GATA5: variants seen among roughly 807,000 people sequenced by gnomAD.
GATA5 encodes the protein transcription factor GATA-5.
GATA5 carries 27 observed loss-of-function variants against 35.0 expected under a neutral mutation model. That is an observed-to-expected ratio of 0.77 (90% CI 0.57 to 1.06). GATA5 has a LOEUF of 1.06. Among genes scored for constraint, GATA5 ranks in the 50% least tolerant of loss-of-function variants. The probability of loss-of-function intolerance (pLI) is 0.00; values close to 1 mark genes in which losing one functional copy is unlikely to be tolerated. For missense variants in GATA5, 612 were observed against 580.0 expected, an observed-to-expected ratio of 1.06 and a Z score of -0.57; for synonymous variants, 306 against 267.8, an observed-to-expected ratio of 1.14 and a Z score of -1.39.
chr20:62,473,381 C>T (rs1989767723), intron 3 of GATA5, 22 bp downstream of exon 3: 2 of 1,591,238 alleles, frequency 1.3e-6, no homozygotes, highest in Non-Finnish European at 1.7e-6. Flanking sequence ...CCCAGGCGCC[C>T]CTCTGCCCAG....
Position 62,466,513 on chromosome 20 carries a change from G to C in GATA5, c.738C>G (p.Cys246Trp), listed in dbSNP as rs1555896110. The change falls in exon 4 of 7, where the codon TGC becomes TGG. Residue 246 changes from cysteine to tryptophan, a missense_variant. Physicochemically the swap from Cys to Trp is radical, Grantham distance 215. Transcript: ENST00000252997. ...SRRAGLCCTN[C>W]HTTNTTLWRR... Reference sequence around the variant, plus strand: ...GCCACAGCGTGGTGTTGGTCGTGTGGCAGTTGGTGCAGCAGAGGCCGGCGC... The same window carrying C: ...GCCACAGCGTGGTGTTGGTCGTGTGCCAGTTGGTGCAGCAGAGGCCGGCGC... 1.3e-6 allele frequency: 2 copies of C among 1,563,240 alleles called. No individual in the cohort carries two copies. The highest frequency in any genetic ancestry group is 8.7e-7 in the Non-Finnish European group (1 of 1,153,906).
Position 62,475,133 on chromosome 20 carries a change from A to G in GATA5, c.389T>C (p.Leu130Pro), listed in dbSNP as rs1555897001. 2.2e-6 allele frequency: 3 copies of G among 1,367,330 alleles called. No individual in the cohort carries two copies. Among genetic ancestry groups the G allele is most frequent in the Non-Finnish European group, 2.8e-6 (3 of 1,057,530 alleles). The allele number at this position is 1,367,330 out of a possible 1,614,324, so 84.7% of individuals were successfully genotyped here. The change falls in exon 2 of 7, where the codon CTT becomes CCT. Residue 130 changes from leucine (L) to proline (P), a missense_variant. Physicochemically the swap from Leu to Pro is moderately conservative, Grantham distance 98. Transcript: ENST00000252997. The part of the protein sequence containing the change: ...LLPREQFAAP[L>P]GRPVGTSYSA... ...GTACGAGGTCCCCACCGGCCGCCCAAGCGGGGCCGCGAACTGTTCTCGAGG... is the reference window on the plus strand; with the variant it reads ...GTACGAGGTCCCCACCGGCCGCCCAGGCGGGGCCGCGAACTGTTCTCGAGG...
intron 1 of GATA5, 23 bp from the exon 2 acceptor site, chr20:62,475,565 T>C: frequency 1.6e-6 from 2 of 1,240,116 alleles, no homozygotes; most frequent in Non-Finnish European, 2.0e-6. Flanking sequence ...GGGACAGGTG[T>C]GGAGGTCACG....
chr20:62,473,691 T>C, intron 2 of GATA5, 113 bp from the exon 3 acceptor site: 1 of 922,618 alleles, frequency 1.1e-6, no homozygotes. Context: ...GTCAGACGAA[T>C]AAACTTAAGG....
chr20:62,465,496 G>A (rs782136651), intron 5 of GATA5, 32 bp from the exon 6 acceptor site: 2 of 1,590,692 alleles, frequency 1.3e-6, no homozygotes, highest in Non-Finnish European at 1.7e-6. Flanking sequence ...TTACAGAGGG[G>A]TCAGGTGTGG....
chr20:62,475,471 G>T lies in GATA5; in HGVS notation c.51C>A (p.Ala17=), dbSNP rs1555897086. The part of the protein sequence containing the change: ...LAASPRQAAY[A]DSGSFLHAPG... Reference sequence around the variant, plus strand: ...GAGCGTGCAGGAAGGAGCCCGAGTCGGCGTAGGCGGCCTGGCGGGGGCTCG... The same window carrying T: ...GAGCGTGCAGGAAGGAGCCCGAGTCTGCGTAGGCGGCCTGGCGGGGGCTCG... The change falls in exon 2 of 7, where the codon GCC becomes GCA. Residue 17 remains alanine, a synonymous_variant. Coordinates refer to ENST00000252997, the MANE Select transcript of GATA5 (RefSeq NM_080473.5). 1.5e-6 allele frequency: 2 copies of T among 1,331,816 alleles called. No homozygotes were observed. Among genetic ancestry groups the T allele is most frequent in the Non-Finnish European group, 9.6e-7 (1 of 1,045,342 alleles). 82.5% of individuals were successfully genotyped at this position (1,331,816 alleles called of 1,614,324 possible).
At chr20:62,473,370 G>A (rs369626023) in intron 3 of GATA5, 33 bp downstream of exon 3, 61 of 1,580,188 alleles carry the variant, frequency 3.9e-5, no homozygotes, top group African/African-American at 2.8e-4. Context: ...GGAGCACTGC[G>A]CCCAGGCGCC....
chr20:62,466,002 C>T (rs1989578074), intron 4 of GATA5, 81 bp from the exon 5 acceptor site: 3 of 1,000,476 alleles, frequency 3.0e-6, no homozygotes, highest in South Asian at 2.7e-5. Flanking sequence ...TCATTCCAGC[C>T]CCCCAGAGCC....
rs7267800 is a variant in GATA5 at position 62,474,941 on chromosome 20, G to A, written c.523+58C>T. On this transcript the variant is annotated intron_variant, in intron 2 of 6. Transcript: ENST00000252997. Reference sequence around the variant, plus strand: ...GAGGGGAGCGTTTCGCAGGGTGCGGGTTTGCACCCGGATTCGGCCGCTCCT... The same window carrying A: ...GAGGGGAGCGTTTCGCAGGGTGCGGATTTGCACCCGGATTCGGCCGCTCCT... 2.1e-3 allele frequency: 2,587 copies of A among 1,251,908 alleles called. 40 individuals carry two copies. The African/African-American group carries it at 0.035, about 17-fold the overall frequency. 77.5% of individuals were successfully genotyped at this position (1,251,908 alleles called of 1,614,324 possible).
rs1263814209 is a variant in GATA5, at chr20:62,470,991, CACA to C, written c.699+2409_699+2411del. Among the ~76,000 whole-genome samples the C allele has an allele frequency of 1.3e-5, 2 of 152,234 alleles. No homozygotes were observed. The highest frequency in any genetic ancestry group is 2.9e-5 in the Non-Finnish European group (2 of 68,046). ...CGTCCTCAGAGCCAAGGCCCAAGCA[CACA>C]ACACCAGCTAATTTAACTTTTACAG... On this transcript the variant is annotated intron_variant, in intron 3 of 6. Transcript: ENST00000252997. This position sits in a 1 kb window ranked among gnomAD's most constrained non-coding sequence, Gnocchi z 4.6.
chr20:62,465,117 C>A, intron 6 of GATA5, 126 bp from the exon 7 acceptor site: 2 of 926,632 alleles, frequency 2.2e-6, no homozygotes, highest in South Asian at 3.4e-5. Context: ...CCCCTGATGC[C>A]CTGGAATGGC....
rs1217985750 is a variant in GATA5, at chr20:62,464,582, G to A, written c.*254C>T. Reference sequence around the variant, plus strand: ...GGGGCCAGTGTGGTCCGGAGCCTTGGGCCGCACCTGGGGAGTCCCTTGCTG... The same window carrying A: ...GGGGCCAGTGTGGTCCGGAGCCTTGAGCCGCACCTGGGGAGTCCCTTGCTG... On this transcript the variant is annotated 3_prime_UTR_variant, in exon 7 of 7. Coordinates refer to ENST00000252997, the MANE Select transcript of GATA5 (RefSeq NM_080473.5). 1.3e-5 allele frequency: 5 copies of A among 381,652 alleles called. No homozygotes were observed. Among genetic ancestry groups the A allele is most frequent in the African/African-American group, 8.4e-5 (4 of 47,542 alleles). 23.6% of individuals were successfully genotyped at this position (381,652 alleles called of 1,614,324 possible).
rs1989526043 is a variant in GATA5, at chr20:62,464,528, G to C, written c.*308C>G. The C allele has an allele frequency of 3.7e-6, 1 of 268,382 alleles. No individual in the cohort carries two copies. The highest frequency in any genetic ancestry group is 7.0e-6 in the Non-Finnish European group (1 of 143,000). The allele number at this position is 268,382 out of a possible 1,614,324, so 16.6% of individuals were successfully genotyped here. On this transcript the variant is annotated 3_prime_UTR_variant, in exon 7 of 7. Transcript: ENST00000252997. ...GATGACGGAATTCAAGTTGGTGGTG[G>C]TGGTGCCCTGCGTTGGCCTCCGCCG...
At chr20:62,475,638 G>T in intron 1 of GATA5, 96 bp from the exon 2 acceptor site, 1 of 809,528 alleles carries the variant, frequency 1.2e-6, no homozygotes, top group Non-Finnish European at 1.7e-6. Context: ...GCTTCGGGCA[G>T]CGCTTCCCAG....
Position 62,473,423 on chromosome 20 carries a change from C to T in GATA5, c.679G>A (p.Val227Ile), listed in dbSNP as rs199934543. 91 of 1,608,600 alleles carry T rather than the reference C, an allele frequency of 5.7e-5. No individual in the cohort carries two copies. The East Asian group carries it at 5.8e-4, about 10-fold the overall frequency. The change falls in exon 3 of 7, where the codon GTT becomes ATT. Residue 227 changes from valine to isoleucine, a missense_variant. Coordinates refer to ENST00000252997, the MANE Select transcript of GATA5 (RefSeq NM_080473.5). The part of the protein sequence containing the change: ...HKMNGVNRPL[V>I]RPQKRLSSSR... ...CTCACCAGGCGCTTCTGAGGCCGAA[C>T]GAGCGGCCGGTTGACGCCATTCATC...
Position 62,464,663 on chromosome 20 carries a change from G to T in GATA5, c.*173C>A. 3.8e-6 allele frequency: 2 copies of T among 529,670 alleles called. No individual in the cohort carries two copies. Among genetic ancestry groups the T allele is most frequent in the East Asian group, 3.4e-5 (1 of 29,708 alleles). 32.8% of individuals were successfully genotyped at this position (529,670 alleles called of 1,614,324 possible). On this transcript the variant is annotated 3_prime_UTR_variant, in exon 7 of 7. Transcript: ENST00000252997. Reference sequence around the variant, plus strand: ...CACCAGCCTTCTTGCTCTGGGGCCCGACTGCCGTCTGTCCAGAAGGCCTCC... The same window carrying T: ...CACCAGCCTTCTTGCTCTGGGGCCCTACTGCCGTCTGTCCAGAAGGCCTCC...
chr20:62,474,862 C>T (rs1167859191), intron 2 of GATA5, 137 bp downstream of exon 2: 2 of 675,648 alleles, frequency 3.0e-6, no homozygotes, highest in South Asian at 6.5e-5. Context: ...CTCGTCTCGC[C>T]CCGGGGCTGC....
In GATA5 at chr20:62,465,454, C is replaced by G; in HGVS notation, c.924G>C (p.Arg308Ser). ...CAGCAGATGGGGAGGCCGAGGCATT[C>G]CTTGTGGATCCTGGAAGCGAAGAGG... ...AKARGSSGSTRNASASPSAVA... is the reference protein window; with the variant it reads ...AKARGSSGSTSNASASPSAVA... The change falls in exon 6 of 7, where the codon AGG (arginine) becomes AGC (serine). Residue 308 changes from arginine to serine, a missense_variant. Arg to Ser is a moderately radical substitution (Grantham distance 110, BLOSUM62 -1). Coordinates refer to ENST00000252997, the MANE Select transcript of GATA5 (RefSeq NM_080473.5). 6.2e-7 allele frequency: 1 copy of G among 1,607,530 alleles called. No homozygotes were observed. Among genetic ancestry groups the G allele is most frequent in the Non-Finnish European group, 8.5e-7 (1 of 1,179,262 alleles).
intron 3 of GATA5, among the ~76,000 whole-genome samples, chr20:62,467,048 T>C (rs1024756518): frequency 3.3e-5 from 5 of 152,208 alleles, no homozygotes; most frequent in Admixed American, 6.5e-5. Flanking sequence ...CCCACCTGCC[T>C]ATGTCTCCCC....
Sources: allele counts gnomAD v4.1 joint callset (sites outside exome capture counted in the v4.1 genomes callset), GRCh38; gene constraint gnomAD v4.1.1; non-coding constraint Gnocchi (gnomAD v3.1); transcripts MANE v1.5; gene names NCBI Gene and HGNC (gene_info 2026-07-23, HGNC 2026-07-21).